The following FAM120AOS variants were observed in gnomAD, a reference collection of about 807,000 sequenced individuals.
FAM120AOS encodes uncharacterized protein FAM120AOS.
Under a neutral mutation model 20.2 loss-of-function variants are expected in FAM120AOS, and 15 were observed. The observed-to-expected ratio is 0.74, with a 90% confidence interval of 0.50 to 1.15. The LOEUF is 1.15. Among genes scored for constraint, FAM120AOS ranks in the 50% most tolerant of loss-of-function variants. The pLI, the probability that FAM120AOS is intolerant of heterozygous loss-of-function variation, is 0.00. For synonymous variants in FAM120AOS, 154 were observed against 154.0 expected (o/e 1.00, Z 0.00); for missense variants, 327 against 351.9 (o/e 0.93, Z 0.57).
At chr9:93,449,644 C>G (rs79454003) in intron 2 of FAM120AOS, among the ~76,000 whole-genome samples, 9,309 of 151,884 alleles carry the variant, frequency 0.061, 416 homozygotes, top group African/African-American at 0.12. Flanking sequence ...CGCACCACCA[C>G]GCTCGGCTAA....
At position 93,445,920 on chromosome 9, in the gene FAM120AOS, G is replaced by A. The variant is rs1187094041; in HGVS notation, c.*1691C>T. Among the ~76,000 whole-genome samples the A allele has an allele frequency of 6.6e-6, 1 of 152,116 alleles. No homozygotes were observed. The highest frequency in any genetic ancestry group is 1.5e-5 in the Non-Finnish European group (1 of 68,026). On this transcript the variant is annotated 3_prime_UTR_variant, in exon 3 of 3. Coordinates refer to ENST00000375412, the MANE Select transcript of FAM120AOS (RefSeq NM_198841.4). ...GGCATGTTTTATATGATGGGCTGAT[G>A]TCTCATGAATAACTGTGCCAAAATC... is the stretch of plus-strand genomic sequence containing the variant.
Position 93,445,760 on chromosome 9 carries a change from G to C in FAM120AOS, c.*1851C>G, listed in dbSNP as rs1401421477. On this transcript the variant is annotated 3_prime_UTR_variant, in exon 3 of 3. Coordinates refer to ENST00000375412, the MANE Select transcript of FAM120AOS (RefSeq NM_198841.4). Reference sequence around the variant, plus strand: ...TGCACACCTCACCTGGCTAATTTTTGGATTTTTTGTAGACAATGGGTTTCA... The same window carrying C: ...TGCACACCTCACCTGGCTAATTTTTCGATTTTTTGTAGACAATGGGTTTCA... Among the ~76,000 whole-genome samples the C allele has an allele frequency of 6.6e-6, 1 of 151,476 alleles. No individual in the cohort carries two copies. Among genetic ancestry groups the C allele is most frequent in the African/African-American group, 2.4e-5 (1 of 41,194 alleles).
rs1856763543 is a variant in FAM120AOS, at chr9:93,443,679, G to A, written c.*3932C>T. 6.6e-6 allele frequency among the ~76,000 whole-genome samples: 1 copy of A among 152,202 alleles called. No individual in the cohort carries two copies. Among genetic ancestry groups the A allele is most frequent in the Admixed American group, 6.5e-5 (1 of 15,286 alleles). ...GGTCCGAGTGTCAGTTCAGAGTGTG[G>A]CTGTGTTGCCTGGGCTCTGTCTCTT... On this transcript the variant is annotated 3_prime_UTR_variant, in exon 3 of 3. Coordinates refer to ENST00000375412, the MANE Select transcript of FAM120AOS (RefSeq NM_198841.4).
rs909359154 is a variant in FAM120AOS at position 93,444,740 on chromosome 9, T to C, written c.*2871A>G. ...AGGGATTCTTCTGCCTCAGCCTCCCTAGTAGCTGGGATTACAGGCATGTGC... is the reference window on the plus strand; with the variant it reads ...AGGGATTCTTCTGCCTCAGCCTCCCCAGTAGCTGGGATTACAGGCATGTGC... On this transcript the variant is annotated 3_prime_UTR_variant, in exon 3 of 3. Coordinates refer to ENST00000375412, the MANE Select transcript of FAM120AOS (RefSeq NM_198841.4). 6.6e-6 allele frequency among the ~76,000 whole-genome samples: 1 copy of C among 151,728 alleles called. No homozygotes were observed. Among genetic ancestry groups the C allele is most frequent in the Non-Finnish European group, 1.5e-5 (1 of 67,930 alleles).
rs1184346391 is a variant in FAM120AOS, at chr9:93,453,386, G to A, written c.-677C>T. The A allele has an allele frequency of 4.1e-6, 4 of 985,452 alleles. No individual in the cohort carries two copies. In the East Asian group the frequency reaches 3.4e-4, roughly 84 times the overall value. 61.0% of individuals were successfully genotyped at this position (985,452 alleles called of 1,614,324 possible). A position where few individuals can be genotyped will look rare whatever the true frequency, so the allele number is the denominator to read the frequency against. On this transcript the variant is annotated 5_prime_UTR_variant, in exon 1 of 3. In the 5' UTR this introduces an upstream ATG that the reference lacks. Transcript: ENST00000375412. ...GCACATCCATGATCCTGGACTTCAC[G>A]TTCTGATTGCTTGCTTTTTTCATTG...
rs908969843 is a variant in FAM120AOS, at chr9:93,446,810, T to G, written c.*801A>C. ...AGCCCAAAGCTATTTGGACACAAGT[T>G]TGGTGAACACGGTAAGAAAAAAACA... is the stretch of plus-strand genomic sequence containing the variant. On this transcript the variant is annotated 3_prime_UTR_variant, in exon 3 of 3. Transcript: ENST00000375412. 6.6e-6 allele frequency: 1 copy of G among 152,168 alleles called. No individual in the cohort carries two copies. Among genetic ancestry groups the G allele is most frequent in the Non-Finnish European group, 1.5e-5 (1 of 68,058 alleles). The allele number at this position is 152,168 out of a possible 1,614,324, so 9.4% of individuals were successfully genotyped here. A position where few individuals can be genotyped will look rare whatever the true frequency, so the allele number is the denominator to read the frequency against.
intron 1 of FAM120AOS, chr9:93,451,699 G>C: frequency 7.2e-6 from 7 of 978,324 alleles, no homozygotes; most frequent in Non-Finnish European, 8.4e-6. Flanking sequence ...GCCTCGCAGC[G>C]GCGGCAGCGG....
At chr9:93,451,326 A>G in intron 1 of FAM120AOS, 3 of 1,438,624 alleles carry the variant, frequency 2.1e-6, no homozygotes, top group Non-Finnish European at 2.7e-6. Flanking sequence ...GCTCTTCCCC[A>G]GGACCTGCTT....
chr9:93,452,912 T>A lies in FAM120AOS; in HGVS notation c.-203A>T. ...GCCCTTGCCAATGTTGTTAGCCCGG[T>A]GACAGCGAGACGTGTCTAAGGGCCA... On this transcript the variant is annotated 5_prime_UTR_variant, in exon 1 of 3. Transcript: ENST00000375412. This position sits in a 1 kb window ranked among gnomAD's most constrained non-coding sequence, Gnocchi z 7.0. 2 of 1,430,972 alleles carry A rather than the reference T, an allele frequency of 1.4e-6. No homozygotes were observed. Among genetic ancestry groups the A allele is most frequent in the Non-Finnish European group, 1.8e-6 (2 of 1,099,892 alleles). The allele number at this position is 1,430,972 out of a possible 1,614,324, so 88.6% of individuals were successfully genotyped here.
rs372087105 is a variant in FAM120AOS at position 93,449,628 on chromosome 9, C to CAGGT, written c.684+847_684+850dup. 2.6e-3 allele frequency among the ~76,000 whole-genome samples: 399 copies of CAGGT among 151,264 alleles called. 1 individual carries two copies. Among genetic ancestry groups the CAGGT allele is most frequent in the African/African-American group, 9.1e-3 (373 of 41,212 alleles). ...TCAGCCTCCCGAGTAGCTGGGACTACAGGTGCGCACCACCACGCTCGGCTA... is the reference window on the plus strand; with the variant it reads ...TCAGCCTCCCGAGTAGCTGGGACTACAGGTAGGTGCGCACCACCACGCTCGGCTA... On this transcript the variant is annotated intron_variant, in intron 2 of 2. Coordinates refer to ENST00000375412, the MANE Select transcript of FAM120AOS (RefSeq NM_198841.4).
Position 93,445,079 on chromosome 9 carries a change from G to T in FAM120AOS, c.*2532C>A, listed in dbSNP as rs1404736143. ...CATGAAGGGATCCATTATCTGAAGA[G>T]TGGCTTAAGATTTAGAAGGCATAGC... On this transcript the variant is annotated 3_prime_UTR_variant, in exon 3 of 3. Coordinates refer to ENST00000375412, the MANE Select transcript of FAM120AOS (RefSeq NM_198841.4). Among the ~76,000 whole-genome samples, 1 of 152,202 alleles carries T rather than the reference G, an allele frequency of 6.6e-6. No individual in the cohort carries two copies. The highest frequency in any genetic ancestry group is 2.4e-5 in the African/African-American group (1 of 41,440).
At position 93,445,792 on chromosome 9, in the gene FAM120AOS, T is replaced by G. The variant is rs1856829966; in HGVS notation, c.*1819A>C. Among the ~76,000 whole-genome samples the G allele has an allele frequency of 1.3e-5, 2 of 152,082 alleles. No homozygotes were observed. The highest frequency in any genetic ancestry group is 2.9e-5 in the Non-Finnish European group (2 of 68,006). ...TTGTAGACAATGGGTTTCATCATGTTGCCTCAAGAAAAATAACATCATGGT... is the reference window on the plus strand; with the variant it reads ...TTGTAGACAATGGGTTTCATCATGTGGCCTCAAGAAAAATAACATCATGGT... On this transcript the variant is annotated 3_prime_UTR_variant, in exon 3 of 3. Transcript: ENST00000375412.
At position 93,444,645 on chromosome 9, in the gene FAM120AOS, G is replaced by C. The variant is rs1023631008; in HGVS notation, c.*2966C>G. Among the ~76,000 whole-genome samples the C allele has an allele frequency of 2.0e-5, 3 of 149,544 alleles. No individual in the cohort carries two copies. The South Asian group carries it at 6.3e-4, about 32-fold the overall frequency. ...TTTTTTTTTCCTGAGACGGAGTTTC[G>C]CTCTTGTTGCCCAGGCTGGAGTGCA... On this transcript the variant is annotated 3_prime_UTR_variant, in exon 3 of 3. Coordinates refer to ENST00000375412, the MANE Select transcript of FAM120AOS (RefSeq NM_198841.4).
At chr9:93,451,018 T>C in intron 1 of FAM120AOS, 1 of 1,546,324 alleles carries the variant, frequency 6.5e-7, no homozygotes, top group Admixed American at 2.0e-5. Context: ...CATTATGGTG[T>C]GTTTGGCCAT....
intron 1 of FAM120AOS, chr9:93,451,324 C>G (rs960392641): frequency 4.9e-6 from 7 of 1,439,100 alleles, no homozygotes; most frequent in Non-Finnish European, 5.5e-6. Flanking sequence ...GAGCTCTTCC[C>G]CAGGACCTGC....
chr9:93,451,126 T>C (rs1857151118), intron 1 of FAM120AOS: 1 of 1,550,402 alleles, frequency 6.4e-7, no homozygotes, highest in Admixed American at 2.0e-5. Context: ...TTCCTGCTCT[T>C]TCCAAGAAGC....
In FAM120AOS at chr9:93,450,736, A is replaced by G. The variant is rs748189092; in HGVS notation, c.564-137T>C. On this transcript the variant is annotated intron_variant, in intron 1 of 2. Transcript: ENST00000375412. ...AAAATGTTTTATGCAAGCCTAATAT[A>G]CATACAGTATCAACCTCATTTTAGA... is the stretch of plus-strand genomic sequence containing the variant. The G allele has an allele frequency of 1.7e-5, 23 of 1,334,246 alleles. No homozygotes were observed. In the South Asian group the frequency reaches 2.8e-4, roughly 16 times the overall value. The allele number at this position is 1,334,246 out of a possible 1,614,324, so 82.7% of individuals were successfully genotyped here. A position where few individuals can be genotyped will look rare whatever the true frequency, so the allele number is the denominator to read the frequency against.
rs1588733015 is a variant in FAM120AOS, at chr9:93,443,706, T to C, written c.*3905A>G. ...TGTGTTGCCTGGGCTCTGTCTCTTG[T>C]ATGTGCAGCTCTGGGCTGAGCACGG... On this transcript the variant is annotated 3_prime_UTR_variant, in exon 3 of 3. Transcript: ENST00000375412. Among the ~76,000 whole-genome samples, 1 of 152,346 alleles carries C rather than the reference T, an allele frequency of 6.6e-6. No homozygotes were observed. Among genetic ancestry groups the C allele is most frequent in the East Asian group, 1.9e-4 (1 of 5,182 alleles).
rs569311860 is a variant in FAM120AOS at position 93,446,857 on chromosome 9, A to G, written c.*754T>C. 1 of 152,390 alleles carries G rather than the reference A, an allele frequency of 6.6e-6. No homozygotes were observed. The highest frequency in any genetic ancestry group is 1.9e-4 in the East Asian group (1 of 5,188). The allele number at this position is 152,390 out of a possible 1,614,324, so 9.4% of individuals were successfully genotyped here. A position where few individuals can be genotyped will look rare whatever the true frequency, so the allele number is the denominator to read the frequency against. ...AACAAACCAAGCAACAAAAACAAAAAGCAGGCAGTGCTGTGTTAGACTGAA... is the reference window on the plus strand; with the variant it reads ...AACAAACCAAGCAACAAAAACAAAAGGCAGGCAGTGCTGTGTTAGACTGAA... On this transcript the variant is annotated 3_prime_UTR_variant, in exon 3 of 3. Coordinates refer to ENST00000375412, the MANE Select transcript of FAM120AOS (RefSeq NM_198841.4).
Sources: gnomAD v4.1 joint callset for allele counts (sites outside exome capture counted in the v4.1 genomes callset) on GRCh38, gnomAD v4.1.1 for gene constraint, Gnocchi (gnomAD v3.1) non-coding constraint, MANE v1.5 for transcripts, NCBI Gene and HGNC (gene_info 2026-07-23, HGNC 2026-07-21) for gene names.